NTM: variants seen among roughly 807,000 people sequenced by gnomAD.
NTM encodes IgLON family member 2.
A neutral mutation model predicts 42.1 loss-of-function variants in NTM; 13 were observed. The ratio of observed to expected loss-of-function variants is 0.31; its 90% CI spans 0.20 to 0.49. The LOEUF is 0.49. NTM is among the 20% of genes least tolerant of loss of function. NTM has a pLI of 0.99. For missense variants in NTM, 373 were observed against 452.8 expected, an observed-to-expected ratio of 0.82 and a Z score of 1.60; for synonymous variants, 187 against 179.2, an observed-to-expected ratio of 1.04 and a Z score of -0.35.
rs541828 is a variant in NTM, at chr11:131,982,048, A to G, written c.167+70400A>G. On this transcript the variant is annotated intron_variant, in intron 2 of 8. Coordinates refer to ENST00000683400, the MANE Select transcript of NTM (RefSeq NM_001352005.2). Reference sequence around the variant, plus strand: ...AGAAAAGGAGAGAAAACAAGCAAACAAAAAAACCCACAGAAAACAACACAA... The same window carrying G: ...AGAAAAGGAGAGAAAACAAGCAAACGAAAAAACCCACAGAAAACAACACAA... Among the ~76,000 whole-genome samples, 849 of 152,010 alleles carry G rather than the reference A, an allele frequency of 5.6e-3. 7 individuals are homozygous for G. The highest frequency in any genetic ancestry group is 0.019 in the African/African-American group (808 of 41,500).
At chr11:131,698,058 C>T (rs1263653613) in intron 1 of NTM, among the ~76,000 whole-genome samples, 6 of 152,344 alleles carry the variant, frequency 3.9e-5, no homozygotes, top group Admixed American at 2.6e-4. Flanking sequence ...CCTGCAGAGA[C>T]ACAGCTGCTT....
intron 1 of NTM, among the ~76,000 whole-genome samples, chr11:131,759,705 G>A (rs1377703009): frequency 1.3e-5 from 2 of 150,514 alleles, no homozygotes; most frequent in Non-Finnish European, 3.0e-5. Context: ...TACTTGGCTT[G>A]TTAGGGCTTA....
At chr11:131,775,412 G>A (rs2086802875) in intron 1 of NTM, among the ~76,000 whole-genome samples, 1 of 152,162 alleles carries the variant, frequency 6.6e-6, no homozygotes, top group South Asian at 2.1e-4. Context: ...TCCTGGAAGT[G>A]GACTTCTCTG....
intron 1 of NTM, among the ~76,000 whole-genome samples, chr11:131,606,313 C>T (rs1409613265): frequency 6.6e-6 from 1 of 152,158 alleles, no homozygotes; most frequent in Non-Finnish European, 1.5e-5. Flanking sequence ...GTCTAGGCCT[C>T]CCAAAGTGCT....
rs76464696 is a variant in NTM, at chr11:131,460,385, C to A, written c.82+89497C>A. ...GGATTACAGATTTTGGCTTAGTATA[C>A]AAGTAAAATTTTTAGTATTCGGAAT... is the stretch of plus-strand genomic sequence containing the variant. On this transcript the variant is annotated intron_variant, in intron 1 of 8. Coordinates refer to ENST00000683400, the MANE Select transcript of NTM (RefSeq NM_001352005.2). Among the ~76,000 whole-genome samples the A allele has an allele frequency of 2.6e-4, 39 of 152,168 alleles. 1 individual carries two copies. The East Asian group carries it at 7.3e-3, about 29-fold the overall frequency.
chr11:132,072,774 G>T (rs2057865700), intron 2 of NTM, among the ~76,000 whole-genome samples: 1 of 152,128 alleles, frequency 6.6e-6, no homozygotes, highest in Admixed American at 6.5e-5. Flanking sequence ...GAGGCACAGG[G>T]GCCTCTGCGG....
chr11:131,689,833 C>T (rs704632), intron 1 of NTM, among the ~76,000 whole-genome samples: 143 of 152,304 alleles, frequency 9.4e-4, no homozygotes, highest in Admixed American at 2.7e-3. Flanking sequence ...CTCTTGCCAC[C>T]TGCCAGCCTT....
chr11:131,666,016 A>G (rs1318613294), intron 1 of NTM, among the ~76,000 whole-genome samples: 1 of 152,264 alleles, frequency 6.6e-6, no homozygotes, highest in African/African-American at 2.4e-5. Context: ...GAATAAAAAT[A>G]CACAGTAAAT....
rs74501460 is a variant in NTM, at chr11:132,071,503, C to G, written c.168-74779C>G. On this transcript the variant is annotated intron_variant, in intron 2 of 8. Coordinates refer to ENST00000683400, the MANE Select transcript of NTM (RefSeq NM_001352005.2). ...TGAAAGACTGTGATAGTAGAATGTTCCCTTCCTATCAGTGAGGAGATCATT... is the reference window on the plus strand; with the variant it reads ...TGAAAGACTGTGATAGTAGAATGTTGCCTTCCTATCAGTGAGGAGATCATT... Among the ~76,000 whole-genome samples the G allele has an allele frequency of 7.1e-3, 1,086 of 152,310 alleles. 13 individuals carry two copies. The highest frequency in any genetic ancestry group is 0.023 in the African/African-American group (968 of 41,546).
chr11:131,750,475 T>C (rs2082354345), intron 1 of NTM, among the ~76,000 whole-genome samples: 1 of 152,184 alleles, frequency 6.6e-6, no homozygotes, highest in Admixed American at 6.5e-5. Context: ...CCAACCACCA[T>C]ACAGGTCTTT....
intron 1 of NTM, among the ~76,000 whole-genome samples, chr11:131,697,566 C>T (rs1354023712): frequency 1.3e-5 from 2 of 152,188 alleles, no homozygotes; most frequent in Non-Finnish European, 2.9e-5. Context: ...TTCTGGGTGA[C>T]TTTCCGGGAT....
chr11:132,084,086 T>A (rs11537166), intron 2 of NTM, among the ~76,000 whole-genome samples: 16,030 of 152,156 alleles, frequency 0.11, 865 homozygotes, highest in South Asian at 0.19. Context: ...TCTTCATAAG[T>A]CCTGTATGTT....
intron 1 of NTM, among the ~76,000 whole-genome samples, chr11:131,611,766 T>C (rs1029442128): frequency 1.3e-5 from 2 of 152,150 alleles, no homozygotes; most frequent in African/African-American, 4.8e-5. Flanking sequence ...GCTAATGTAA[T>C]GTGTGAAACA....
intron 2 of NTM, among the ~76,000 whole-genome samples, chr11:132,048,549 C>A (rs1005284912): frequency 6.6e-6 from 1 of 152,132 alleles, no homozygotes; most frequent in African/African-American, 2.4e-5. Flanking sequence ...AAGGGTTCTG[C>A]ATTTCTTGTC....
intron 1 of NTM, among the ~76,000 whole-genome samples, chr11:131,772,747 G>A (rs544362663): frequency 6.6e-6 from 1 of 152,324 alleles, no homozygotes; most frequent in Non-Finnish European, 1.5e-5. Context: ...TAACAAATTT[G>A]TGTTGCTTTA....
At chr11:131,655,140 G>C (rs565107976) in intron 1 of NTM, among the ~76,000 whole-genome samples, 30 of 152,276 alleles carry the variant, frequency 2.0e-4, no homozygotes, top group African/African-American at 7.0e-4. Context: ...AGGAGTGCAG[G>C]GTCCCATTCT....
intron 4 of NTM, among the ~76,000 whole-genome samples, chr11:132,256,857 A>AC (rs1259910007): frequency 6.6e-6 from 1 of 152,008 alleles, no homozygotes; most frequent in Non-Finnish European, 1.5e-5. Context: ...TATCGTCGGG[A>AC]CCCCTAGCTC....
At chr11:131,688,361 A>T (rs2074208090) in intron 1 of NTM, among the ~76,000 whole-genome samples, 1 of 152,238 alleles carries the variant, frequency 6.6e-6, no homozygotes, top group African/African-American at 2.4e-5. Context: ...TGGATAGCAC[A>T]CGCCACTAAC....
At chr11:131,761,098 A>G (rs1209645014) in intron 1 of NTM, among the ~76,000 whole-genome samples, 1 of 151,996 alleles carries the variant, frequency 6.6e-6, no homozygotes, top group African/African-American at 2.4e-5. Context: ...GGAGGACAGA[A>G]CTCTTGATGA....
Sources: gnomAD v4.1 joint callset for allele counts (sites outside exome capture counted in the v4.1 genomes callset) on GRCh38, gnomAD v4.1.1 for gene constraint, MANE v1.5 for transcripts, NCBI Gene and HGNC (gene_info 2026-07-23, HGNC 2026-07-21) for gene names.